KIAA1328: variants seen among roughly 807,000 people sequenced by gnomAD.
KIAA1328 encodes the protein protein hinderin.
Under a neutral mutation model 68.1 loss-of-function variants are expected in KIAA1328, and 52 were observed. The observed-to-expected ratio is 0.76, with a 90% CI of 0.61 to 0.96. The LOEUF (loss-of-function observed/expected upper bound fraction) is 0.96, where lower values mean the gene tolerates loss of function less well. Among genes scored for constraint, KIAA1328 ranks in the 40% least tolerant of loss-of-function variants. KIAA1328 has a pLI of 0.00. For synonymous variants in KIAA1328, 232 were observed against 239.4 expected, an observed-to-expected ratio of 0.97 and a Z score of 0.28; for missense variants, 641 against 677.6, an observed-to-expected ratio of 0.95 and a Z score of 0.60.
chr18:37,231,382 C>CCTGGAATG (rs759157777), downstream of KIAA1328: 2 of 152,068 alleles, frequency 1.3e-5, no homozygotes, highest in African/African-American at 2.4e-5. Context: ...AGGTTTGGTG[C>CCTGGAATG]CTGGAATGCT....
chr18:36,877,015 A>T (rs1006946957), intron 4 of KIAA1328, among the ~76,000 whole-genome samples: 1 of 152,070 alleles, frequency 6.6e-6, no homozygotes, highest in African/African-American at 2.4e-5. Flanking sequence ...CTGAGTTCTA[A>T]TTTGATTGCA....
intron 7 of KIAA1328, among the ~76,000 whole-genome samples, chr18:37,104,988 C>A (rs2057729284): frequency 6.6e-6 from 1 of 152,180 alleles, no homozygotes; most frequent in East Asian, 1.9e-4. Flanking sequence ...TTATCTCCCC[C>A]TTCTTTCTGA....
At chr18:37,081,325 C>G (rs953812754) in intron 7 of KIAA1328, among the ~76,000 whole-genome samples, 1 of 152,126 alleles carries the variant, frequency 6.6e-6, no homozygotes, top group South Asian at 2.1e-4. Flanking sequence ...GTTATCCTGC[C>G]TACTGCCACC....
At chr18:36,903,608 G>A (rs2049113194) in intron 5 of KIAA1328, 2 of 152,124 alleles carry the variant, frequency 1.3e-5, no homozygotes, top group South Asian at 4.1e-4. Context: ...GCAAATCACT[G>A]ACCTCGCTAA....
chr18:37,068,832 C>G (rs147918120), intron 7 of KIAA1328, among the ~76,000 whole-genome samples: 1 of 151,804 alleles, frequency 6.6e-6, no homozygotes, highest in African/African-American at 2.4e-5. Flanking sequence ...ACTCTGTTGC[C>G]CAGGCTGGTC....
intron 6 of KIAA1328, among the ~76,000 whole-genome samples, chr18:36,966,353 CT>C (rs2051936444): frequency 6.6e-6 from 1 of 152,154 alleles, no homozygotes. Flanking sequence ...TGTGTATTTC[CT>C]TTTCCTTAAA....
intron 6 of KIAA1328, among the ~76,000 whole-genome samples, chr18:37,021,217 CTTT>C (rs981708833): frequency 6.6e-6 from 1 of 152,106 alleles, no homozygotes; most frequent in African/African-American, 2.4e-5. Flanking sequence ...TTTATGATAA[CTTT>C]TTATTTTTAT....
At chr18:37,022,116 T>C (rs1187424886) in intron 6 of KIAA1328, among the ~76,000 whole-genome samples, 1 of 152,070 alleles carries the variant, frequency 6.6e-6, no homozygotes, top group Non-Finnish European at 1.5e-5. Flanking sequence ...TACTTTGCAC[T>C]TGACCTGGCA....
At chr18:37,104,855 C>G (rs2057725749) in intron 7 of KIAA1328, among the ~76,000 whole-genome samples, 1 of 152,088 alleles carries the variant, frequency 6.6e-6, no homozygotes. Context: ...TGTGGAGAAA[C>G]AGTATCATAC....
At chr18:37,207,410 TAA>T (rs2060235981) in intron 9 of KIAA1328, among the ~76,000 whole-genome samples, 2 of 152,200 alleles carry the variant, frequency 1.3e-5, no homozygotes, top group Non-Finnish European at 2.9e-5. Context: ...CTAGCATTTC[TAA>T]AAAGAGTGCT....
At chr18:36,946,400 T>G (rs2050902074) in intron 5 of KIAA1328, 1 of 152,188 alleles carries the variant, frequency 6.6e-6, no homozygotes, top group Non-Finnish European at 1.5e-5. Flanking sequence ...TTAGAGATGA[T>G]TGATACGCAT....
intron 5 of KIAA1328, among the ~76,000 whole-genome samples, chr18:36,934,169 C>T (rs2050415020): frequency 2.0e-5 from 3 of 152,178 alleles, no homozygotes; most frequent in Admixed American, 2.0e-4. Flanking sequence ...GGGCTGGGAA[C>T]TAGCATCTGA....
intron 6 of KIAA1328, chr18:37,063,688 GTAC>G: frequency 1.0e-6 from 1 of 984,908 alleles, no homozygotes; most frequent in Non-Finnish European, 1.2e-6. Context: ...TCATTAAGCT[GTAC>G]TACCTCTCAA....
chr18:37,178,806 AT>A (rs1322757599), intron 9 of KIAA1328, among the ~76,000 whole-genome samples: 1 of 152,012 alleles, frequency 6.6e-6, no homozygotes, highest in African/African-American at 2.4e-5. Context: ...TGTGGTTTTG[AT>A]TTGTATTTTC....
chr18:36,935,778 G>A (rs2050477839), intron 5 of KIAA1328, among the ~76,000 whole-genome samples: 1 of 152,096 alleles, frequency 6.6e-6, no homozygotes, highest in Admixed American at 6.6e-5. Context: ...GCGCATATAA[G>A]GAGTTTGGGA....
At chr18:37,193,629 A>G (rs983462903) in intron 9 of KIAA1328, 1 of 702,506 alleles carries the variant, frequency 1.4e-6, no homozygotes, top group African/African-American at 1.7e-5. Flanking sequence ...CTTTCAAATC[A>G]TTTCTTCATA....
chr18:37,121,670 C>A (rs1384320677), intron 7 of KIAA1328, among the ~76,000 whole-genome samples: 1 of 152,052 alleles, frequency 6.6e-6, no homozygotes, highest in Non-Finnish European at 1.5e-5. Flanking sequence ...CAAAAGCTAG[C>A]TTTCCTAGTT....
At chr18:36,839,212 C>G (rs745533659) in intron 3 of KIAA1328, among the ~76,000 whole-genome samples, 1 of 152,128 alleles carries the variant, frequency 6.6e-6, no homozygotes, top group Non-Finnish European at 1.5e-5. Context: ...CTTGAAGTTA[C>G]CCTCTCAGCT....
chr18:36,993,678 T>C (rs926085941), intron 6 of KIAA1328, among the ~76,000 whole-genome samples: 1 of 152,114 alleles, frequency 6.6e-6, no homozygotes, highest in African/African-American at 2.4e-5. Context: ...CTTTAAAGGA[T>C]GTAGTATAAG....
Sources: allele counts gnomAD v4.1 joint callset (sites outside exome capture counted in the v4.1 genomes callset), GRCh38; gene constraint gnomAD v4.1.1; transcripts MANE v1.5; gene names NCBI Gene and HGNC (gene_info 2026-07-23, HGNC 2026-07-21).